Variants in ASIC2 observed in about 807,000 individuals in gnomAD.
ASIC2 encodes acid-sensing ion channel 2.
ASIC2 carries 25 observed loss-of-function variants against 57.3 expected under a neutral mutation model. The observed-to-expected ratio is 0.44, with a 90% CI of 0.32 to 0.61. ASIC2 has a LOEUF of 0.61. Ranked by LOEUF, ASIC2 falls within the 20% of genes least tolerant of loss-of-function variation. The pLI, the probability that ASIC2 is intolerant of heterozygous loss-of-function variation, is 0.06. For missense variants in ASIC2, 641 were observed against 738.1 expected (o/e 0.87, Z 1.52); for synonymous variants, 319 against 307.5 (o/e 1.04, Z -0.39).
At chr17:34,083,848 C>T (rs1486902269) in intron 1 of ASIC2, among the ~76,000 whole-genome samples, 4 of 152,128 alleles carry the variant, frequency 2.6e-5, no homozygotes, top group Non-Finnish European at 4.4e-5. Flanking sequence ...TCAGGTCCTT[C>T]GCCCACTTTT....
intron 1 of ASIC2, among the ~76,000 whole-genome samples, chr17:34,012,272 T>C (rs1001624311): frequency 6.6e-6 from 1 of 152,038 alleles, no homozygotes; most frequent in African/African-American, 2.4e-5. Flanking sequence ...TAACATGCCA[T>C]CCCAAGCCAC....
At chr17:34,135,280 C>T (rs923107888) in intron 1 of ASIC2, among the ~76,000 whole-genome samples, 1 of 152,250 alleles carries the variant, frequency 6.6e-6, no homozygotes, top group Admixed American at 6.5e-5. Flanking sequence ...TGCCTGCTGG[C>T]AGCTGAATCA....
intron 1 of ASIC2, among the ~76,000 whole-genome samples, chr17:34,021,470 C>T (rs1330940251): frequency 2.6e-5 from 4 of 152,150 alleles, no homozygotes; most frequent in Non-Finnish European, 4.4e-5. Flanking sequence ...AGTTCCTTTT[C>T]CCTAGGGCAG....
intron 1 of ASIC2, among the ~76,000 whole-genome samples, chr17:33,280,720 G>A (rs142560592): frequency 1.7e-3 from 253 of 152,280 alleles, no homozygotes; most frequent in African/African-American, 5.7e-3. Context: ...ATCAACATGC[G>A]TCTCACTCCA....
intron 1 of ASIC2, among the ~76,000 whole-genome samples, chr17:33,367,097 G>T (rs557634753): frequency 6.6e-6 from 1 of 152,344 alleles, no homozygotes; most frequent in East Asian, 1.9e-4. Flanking sequence ...GTAATGAAGC[G>T]TGAAGAGTGG....
intron 1 of ASIC2, among the ~76,000 whole-genome samples, chr17:33,678,493 A>G (rs1907897654): frequency 6.8e-6 from 1 of 146,610 alleles, no homozygotes; most frequent in Non-Finnish European, 1.5e-5. Context: ...TGAGGGTGTC[A>G]CAGCCCAGAA....
chr17:33,919,113 G>A (rs968506456), intron 1 of ASIC2, among the ~76,000 whole-genome samples: 3 of 152,140 alleles, frequency 2.0e-5, no homozygotes, highest in African/African-American at 7.2e-5. Flanking sequence ...GCTAGTGCAG[G>A]CGATGGAAGA....
chr17:33,079,867 T>A (rs566956210), intron 3 of ASIC2, among the ~76,000 whole-genome samples: 1 of 152,108 alleles, frequency 6.6e-6, no homozygotes, highest in Non-Finnish European at 1.5e-5. Context: ...AGGAACAAGG[T>A]TCCACAACTA....
intron 1 of ASIC2, among the ~76,000 whole-genome samples, chr17:33,826,964 G>A (rs936472438): frequency 5.3e-5 from 8 of 152,174 alleles, no homozygotes; most frequent in Admixed American, 4.6e-4. Context: ...TGTATTTTAA[G>A]AGCCTAGAAG....
intron 1 of ASIC2, among the ~76,000 whole-genome samples, chr17:33,193,783 A>G (rs955621261): frequency 2.0e-5 from 3 of 152,122 alleles, no homozygotes; most frequent in African/African-American, 7.2e-5. Flanking sequence ...GATGTTACTG[A>G]TCTAGGACCA....
At chr17:33,419,649 T>A (rs1910977707) in intron 1 of ASIC2, among the ~76,000 whole-genome samples, 1 of 152,246 alleles carries the variant, frequency 6.6e-6, no homozygotes, top group Non-Finnish European at 1.5e-5. Flanking sequence ...AGTATGTTTT[T>A]CACAGATATA....
At chr17:33,920,962 C>T (rs1306672041) in intron 1 of ASIC2, among the ~76,000 whole-genome samples, 1 of 152,162 alleles carries the variant, frequency 6.6e-6, no homozygotes, top group Non-Finnish European at 1.5e-5. Flanking sequence ...GGACTGTGTC[C>T]ATAACTCATA....
At chr17:33,607,831 A>G (rs1905267127) in intron 1 of ASIC2, among the ~76,000 whole-genome samples, 1 of 152,204 alleles carries the variant, frequency 6.6e-6, no homozygotes, top group Non-Finnish European at 1.5e-5. Context: ...TTCTTAGAAC[A>G]TCAGCAATCA....
chr17:33,028,016 A>C lies in ASIC2; in HGVS notation c.1138+226T>G, dbSNP rs1342372745. On this transcript the variant is annotated intron_variant, in intron 4 of 9. Coordinates refer to ENST00000225823, the MANE Select transcript of ASIC2 (RefSeq NM_183377.2). ...GCAAACATTGAACACTGGGATGAACATTCCCCAAACACTGGATGCTTCTGG... is the reference window on the plus strand; with the variant it reads ...GCAAACATTGAACACTGGGATGAACCTTCCCCAAACACTGGATGCTTCTGG... Among the ~76,000 whole-genome samples, 9 of 152,366 alleles carry C rather than the reference A, an allele frequency of 5.9e-5. No individual in the cohort carries two copies. The South Asian group carries it at 1.5e-3, about 25-fold the overall frequency.
intron 1 of ASIC2, among the ~76,000 whole-genome samples, chr17:33,737,550 G>A (rs924220069): frequency 6.7e-6 from 1 of 149,660 alleles, no homozygotes; most frequent in South Asian, 2.1e-4. Context: ...ACCGCTTATA[G>A]GTTTATTTAA....
At chr17:33,930,376 G>A (rs1209389532) in intron 1 of ASIC2, among the ~76,000 whole-genome samples, 1 of 152,178 alleles carries the variant, frequency 6.6e-6, no homozygotes, top group Non-Finnish European at 1.5e-5. Context: ...TTCACCTGTA[G>A]CTTGTTCTTA....
chr17:33,112,190 C>T (rs1400736918), intron 1 of ASIC2, 123 bp from the exon 2 acceptor site: 8 of 1,219,404 alleles, frequency 6.6e-6, no homozygotes, highest in Admixed American at 2.9e-5. Context: ...TCACCATCAC[C>T]GCTCTCAGGA....
intron 1 of ASIC2, among the ~76,000 whole-genome samples, chr17:33,166,864 A>T (rs1905325472): frequency 6.6e-6 from 1 of 152,194 alleles, no homozygotes; most frequent in African/African-American, 2.4e-5. Context: ...CAAGACAATG[A>T]TTTGTTTGTT....
chr17:33,970,958 C>A (rs570670687), intron 1 of ASIC2, among the ~76,000 whole-genome samples: 8 of 152,284 alleles, frequency 5.3e-5, no homozygotes, highest in African/African-American at 1.9e-4. Context: ...AGGTAGCCAG[C>A]CTGCCTTTGC....
Sources: gnomAD v4.1 joint callset for allele counts (sites outside exome capture counted in the v4.1 genomes callset) on GRCh38, gnomAD v4.1.1 for gene constraint, MANE v1.5 for transcripts, NCBI Gene and HGNC (gene_info 2026-07-23, HGNC 2026-07-21) for gene names.